Variants in PRMT8 observed in about 807,000 individuals in gnomAD.
PRMT8 encodes the protein protein arginine N-methyltransferase 8.
Under a neutral mutation model 47.1 loss-of-function variants are expected in PRMT8, and 7 were observed. The ratio of observed to expected loss-of-function variants is 0.15; its 90% CI spans 0.08 to 0.28. PRMT8 has a LOEUF of 0.28. PRMT8 is among the 10% of genes least tolerant of loss of function. The pLI is 1.00. For missense variants in PRMT8, 237 were observed against 505.4 expected (o/e 0.47, Z 5.09); for synonymous variants, 188 against 186.5 (o/e 1.01, Z -0.07).
chr12:3,560,601 G>A (rs1297333790), intron 4 of PRMT8, among the ~76,000 whole-genome samples: 1 of 152,196 alleles, frequency 6.6e-6, no homozygotes, highest in Non-Finnish European at 1.5e-5. Context: ...GAGGTTGATT[G>A]CATTGGTTTA....
At chr12:3,556,666 G>GT (rs201536108) in intron 4 of PRMT8, among the ~76,000 whole-genome samples, 12 of 151,874 alleles carry the variant, frequency 7.9e-5, no homozygotes, top group South Asian at 2.1e-4. Flanking sequence ...AAGGGAAGAA[G>GT]TTTTTTTAAA....
At chr12:3,413,460 G>C (rs1864452519) in intron 1 of PRMT8, among the ~76,000 whole-genome samples, 1 of 152,160 alleles carries the variant, frequency 6.6e-6, no homozygotes, top group Admixed American at 6.5e-5. Context: ...AACACGCATA[G>C]TATCCTAGGC....
intron 1 of PRMT8, among the ~76,000 whole-genome samples, chr12:3,447,818 A>G (rs2137078006): frequency 6.6e-6 from 1 of 152,306 alleles, no homozygotes; most frequent in Non-Finnish European, 1.5e-5. Context: ...ACCTCTTTAC[A>G]TTGCCTCATT....
intron 1 of PRMT8, among the ~76,000 whole-genome samples, chr12:3,519,699 T>TG (rs565525942): frequency 1.8e-4 from 28 of 152,082 alleles, no homozygotes; most frequent in African/African-American, 6.3e-4. Context: ...GCAGAAAGGC[T>TG]GGGGGGCTAC....
At chr12:3,531,996 G>C (rs1334307039) in intron 1 of PRMT8, among the ~76,000 whole-genome samples, 1 of 152,154 alleles carries the variant, frequency 6.6e-6, no homozygotes, top group Non-Finnish European at 1.5e-5. Flanking sequence ...CTAGGCACCA[G>C]CTGGAGAGCC....
intron 1 of PRMT8, among the ~76,000 whole-genome samples, chr12:3,428,761 C>T (rs1371028716): frequency 6.7e-6 from 1 of 150,032 alleles, no homozygotes; most frequent in African/African-American, 2.5e-5. Context: ...TCTCTCTCTG[C>T]CTCTCTCTTT....
chr12:3,493,637 C>T lies in PRMT8; in HGVS notation c.75+1937C>T, dbSNP rs528808391. On this transcript the variant is annotated intron_variant, in intron 1 of 9. Coordinates refer to ENST00000382622, the MANE Select transcript of PRMT8 (RefSeq NM_019854.5). The surrounding 1 kb of genome is among the most constrained non-coding windows in gnomAD (Gnocchi z 8.2). Reference sequence around the variant, plus strand: ...TCCCAGCCTCGGCGAGGGTTAAAGGCGTCCGGAGCAGGCAGAGCGCCGCGC... The same window carrying T: ...TCCCAGCCTCGGCGAGGGTTAAAGGTGTCCGGAGCAGGCAGAGCGCCGCGC... Among the ~76,000 whole-genome samples, 4 of 152,336 alleles carry T rather than the reference C, an allele frequency of 2.6e-5. No homozygotes were observed. The South Asian group carries it at 6.2e-4, about 24-fold the overall frequency.
At chr12:3,434,696 G>T (rs965992248) in intron 1 of PRMT8, among the ~76,000 whole-genome samples, 3 of 151,748 alleles carry the variant, frequency 2.0e-5, no homozygotes, top group Non-Finnish European at 2.9e-5. Context: ...GTGTGTTGGG[G>T]GTTGGTGGGT....
At chr12:3,581,545 C>T (rs1565448778) in intron 7 of PRMT8, among the ~76,000 whole-genome samples, 1 of 152,146 alleles carries the variant, frequency 6.6e-6, no homozygotes, top group Admixed American at 6.5e-5. Context: ...ATAAAAGGCT[C>T]AGCTTAAGAA....
At chr12:3,472,140 C>A (rs897825336) in intron 1 of PRMT8, among the ~76,000 whole-genome samples, 1 of 152,058 alleles carries the variant, frequency 6.6e-6, no homozygotes, top group Non-Finnish European at 1.5e-5. Flanking sequence ...CAATGTCAGG[C>A]GGTTCTGTAA....
Position 3,540,620 on chromosome 12 carries a change from C to CAA in PRMT8, c.90_91insAA (p.Ser31AsnfsTer36). Reference sequence around the variant, plus strand: ...CTTCCCCTCAGGTGAACAGCCCCCCCTCCCAGCCCCCCCAGCCCGTCGTCC... The same window carrying CAA: ...CTTCCCCTCAGGTGAACAGCCCCCCCAATCCCAGCCCCCCCAGCCCGTCGTCC... On this transcript the variant is annotated frameshift_variant, in exon 2 of 10. Transcript: ENST00000382622. LOFTEE classifies it high-confidence loss of function. 49 of 1,231,724 alleles carry CAA rather than the reference C, an allele frequency of 4.0e-5. No individual in the cohort carries two copies. The highest frequency in any genetic ancestry group is 5.2e-5 in the Non-Finnish European group (44 of 842,232). The allele number at this position is 1,231,724 out of a possible 1,614,324, so 76.3% of individuals were successfully genotyped here.
chr12:3,579,889 C>T (rs1368100740), intron 7 of PRMT8, among the ~76,000 whole-genome samples: 8 of 152,116 alleles, frequency 5.3e-5, no homozygotes, highest in African/African-American at 1.7e-4. Context: ...CTGCTTCAAG[C>T]GGGTCACCTG....
intron 4 of PRMT8, among the ~76,000 whole-genome samples, chr12:3,556,867 T>A (rs1346536891): frequency 6.6e-6 from 1 of 151,544 alleles, no homozygotes; most frequent in Non-Finnish European, 1.5e-5. Context: ...GGAGGGGTGG[T>A]CTTTGCCTTG....
chr12:3,483,176 G>A (rs909647491), intron 1 of PRMT8, among the ~76,000 whole-genome samples: 1 of 152,226 alleles, frequency 6.6e-6, no homozygotes, highest in Non-Finnish European at 1.5e-5. Context: ...GAAGCACACA[G>A]CACAGCACCC....
intron 7 of PRMT8, among the ~76,000 whole-genome samples, chr12:3,581,392 G>C (rs969842585): frequency 1.1e-4 from 17 of 152,150 alleles, no homozygotes; most frequent in Non-Finnish European, 2.2e-4. Context: ...TTTTGAAGAA[G>C]GACCTAATGA....
chr12:3,573,714 C>T (rs1866891009), intron 6 of PRMT8, among the ~76,000 whole-genome samples: 1 of 152,240 alleles, frequency 6.6e-6, no homozygotes, highest in African/African-American at 2.4e-5. Context: ...TAATTACATA[C>T]ATTATGCCAT....
chr12:3,492,819 CAG>C lies in PRMT8; in HGVS notation c.75+1124_75+1125del, dbSNP rs966216160. ...CTTACTCAGTGGCAGGAAAAAGACA[CAG>C]AGAGCAAACTCCCAGGCTCTATTAA... is the stretch of plus-strand genomic sequence containing the variant. On this transcript the variant is annotated intron_variant, in intron 1 of 9. Transcript: ENST00000382622. This position sits in a 1 kb window ranked among gnomAD's most constrained non-coding sequence, Gnocchi z 7.5. Among the ~76,000 whole-genome samples the C allele has an allele frequency of 8.5e-5, 13 of 152,138 alleles. No homozygotes were observed. The highest frequency in any genetic ancestry group is 6.2e-4 in the South Asian group (3 of 4,820).
intron 1 of PRMT8, among the ~76,000 whole-genome samples, chr12:3,448,926 C>T (rs1864888138): frequency 6.6e-6 from 1 of 152,028 alleles, no homozygotes; most frequent in Non-Finnish European, 1.5e-5. Flanking sequence ...TGTGCTATTC[C>T]CCTCCCTGTG....
At chr12:3,405,841 C>T (rs1373189101) in intron 1 of PRMT8, among the ~76,000 whole-genome samples, 1 of 152,150 alleles carries the variant, frequency 6.6e-6, no homozygotes, top group Admixed American at 6.5e-5. Flanking sequence ...TTTCCAGGCA[C>T]ACTGTGTAAG....
Sources: gnomAD v4.1 joint callset for allele counts (sites outside exome capture counted in the v4.1 genomes callset) on GRCh38, gnomAD v4.1.1 for gene constraint, Gnocchi (gnomAD v3.1) non-coding constraint, MANE v1.5 for transcripts, NCBI Gene and HGNC (gene_info 2026-07-23, HGNC 2026-07-21) for gene names.